NRXN3: variants seen among roughly 807,000 people sequenced by gnomAD.
The protein encoded by NRXN3 is neurexin 3, also known as neurexin III.
Under a neutral mutation model 137.6 loss-of-function variants are expected in NRXN3, and 32 were observed. The observed-to-expected ratio is 0.23, with a 90% CI of 0.18 to 0.31. The LOEUF (loss-of-function observed/expected upper bound fraction) is 0.31, where lower values mean the gene tolerates loss of function less well. Among genes scored for constraint, NRXN3 ranks in the 10% least tolerant of loss-of-function variants. The pLI, the probability that NRXN3 is intolerant of heterozygous loss-of-function variation, is 1.00. For synonymous variants in NRXN3, 798 were observed against 784.5 expected (o/e 1.02, Z -0.29); for missense variants, 1,574 against 2,062.5 (o/e 0.76, Z 4.59).
intron 4 of NRXN3, among the ~76,000 whole-genome samples, chr14:78,434,101 G>A (rs950362238): frequency 3.3e-5 from 5 of 152,170 alleles, no homozygotes; most frequent in African/African-American, 9.7e-5. Flanking sequence ...ACAGTAAAAT[G>A]TTGAATATCT....
chr14:79,533,609 C>G (rs1243345165), intron 16 of NRXN3, among the ~76,000 whole-genome samples: 1 of 152,048 alleles, frequency 6.6e-6, no homozygotes, highest in East Asian at 1.9e-4. Flanking sequence ...ATTTTGGTGT[C>G]TGAAAAACAA....
intron 15 of NRXN3, among the ~76,000 whole-genome samples, chr14:78,992,350 C>T (rs912892018): frequency 6.6e-6 from 1 of 152,130 alleles, no homozygotes; most frequent in Admixed American, 6.6e-5. Context: ...AGGGTGAGCA[C>T]CACCTGAAAA....
At chr14:78,532,577 C>A (rs750838545) in intron 4 of NRXN3, among the ~76,000 whole-genome samples, 3 of 151,968 alleles carry the variant, frequency 2.0e-5, no homozygotes, top group Non-Finnish European at 2.9e-5. Context: ...TCCACACTCA[C>A]CCCACCCCAC....
intron 16 of NRXN3, among the ~76,000 whole-genome samples, chr14:79,489,280 A>T (rs1427061224): frequency 6.6e-6 from 1 of 152,118 alleles, no homozygotes; most frequent in Non-Finnish European, 1.5e-5. Flanking sequence ...TTCATGGCTC[A>T]TATTTTCTCC....
At chr14:78,834,596 A>T (rs571107049) in intron 10 of NRXN3, among the ~76,000 whole-genome samples, 28 of 152,212 alleles carry the variant, frequency 1.8e-4, no homozygotes, top group South Asian at 4.2e-4. Context: ...AACTAAGGTA[A>T]CCAGGTGAGG....
intron 4 of NRXN3, among the ~76,000 whole-genome samples, chr14:78,642,064 C>CA (rs1237892344): frequency 6.6e-6 from 1 of 152,092 alleles, no homozygotes; most frequent in Non-Finnish European, 1.5e-5. Flanking sequence ...TCAATTTATT[C>CA]AAAGTTTGGG....
At chr14:78,925,342 T>C (rs1446721010) in intron 10 of NRXN3, among the ~76,000 whole-genome samples, 1 of 152,204 alleles carries the variant, frequency 6.6e-6, no homozygotes, top group Non-Finnish European at 1.5e-5. Flanking sequence ...TATTACATTC[T>C]TCTTGTATGA....
intron 15 of NRXN3, among the ~76,000 whole-genome samples, chr14:79,115,972 C>T (rs1353024473): frequency 1.3e-5 from 2 of 152,086 alleles, no homozygotes; most frequent in Non-Finnish European, 2.9e-5. Flanking sequence ...ATTATGCACC[C>T]ATGGAAGCTA....
intron 15 of NRXN3, among the ~76,000 whole-genome samples, chr14:79,258,815 T>C (rs76749540): frequency 0.037 from 5,574 of 152,286 alleles, 260 homozygotes; most frequent in African/African-American, 0.1. Flanking sequence ...AAAACACTTA[T>C]CTCTGGGAGA....
At chr14:79,005,187 T>A (rs1000945352) in intron 15 of NRXN3, among the ~76,000 whole-genome samples, 1 of 152,194 alleles carries the variant, frequency 6.6e-6, no homozygotes, top group African/African-American at 2.4e-5. Context: ...AGAATACAAA[T>A]GGTATTCCCA....
intron 10 of NRXN3, among the ~76,000 whole-genome samples, chr14:78,882,410 C>G (rs154320): frequency 0.21 from 32,176 of 151,566 alleles, 5,851 homozygotes; most frequent in African/African-American, 0.47. Flanking sequence ...CCAGGAGGGG[C>G]ACTGTACCCT....
chr14:78,732,506 C>G (rs1176629431), intron 8 of NRXN3, among the ~76,000 whole-genome samples: 24 of 152,140 alleles, frequency 1.6e-4, no homozygotes, highest in Admixed American at 1.6e-3. Context: ...AGACCTTTTT[C>G]CAAACACATA....
chr14:78,528,644 G>A (rs2096415068), intron 4 of NRXN3, among the ~76,000 whole-genome samples: 1 of 152,104 alleles, frequency 6.6e-6, no homozygotes, highest in African/African-American at 2.4e-5. Flanking sequence ...AATTGCCCAT[G>A]GAATTGGTTT....
chr14:79,082,578 G>T (rs1398459399), intron 15 of NRXN3, among the ~76,000 whole-genome samples: 1 of 152,120 alleles, frequency 6.6e-6, no homozygotes, highest in Non-Finnish European at 1.5e-5. Context: ...ATTATCTCCA[G>T]TCTGAGTCCC....
chr14:78,433,595 G>A (rs1053268910), intron 4 of NRXN3, among the ~76,000 whole-genome samples: 2 of 152,150 alleles, frequency 1.3e-5, no homozygotes, highest in Non-Finnish European at 2.9e-5. Flanking sequence ...GAGAACATTA[G>A]TTATCATTGA....
At chr14:79,822,141 G>A (rs2242645) in intron 20 of NRXN3, among the ~76,000 whole-genome samples, 85,867 of 151,938 alleles carry the variant, frequency 0.57, 24,280 homozygotes, top group South Asian at 0.64. Flanking sequence ...AGTGGGGACT[G>A]GAAGTCTCCT....
chr14:78,826,595 A>G (rs1405871291), intron 10 of NRXN3, among the ~76,000 whole-genome samples: 1 of 152,250 alleles, frequency 6.6e-6, no homozygotes, highest in Non-Finnish European at 1.5e-5. Flanking sequence ...TGGTTCTAAA[A>G]GTAGGTAATA....
At chr14:79,605,139 A>G (rs1426072359) in intron 16 of NRXN3, among the ~76,000 whole-genome samples, 1 of 152,148 alleles carries the variant, frequency 6.6e-6, no homozygotes, top group African/African-American at 2.4e-5. Context: ...ATGGCTCAGC[A>G]TTTTTCTGAA....
At position 79,211,596 on chromosome 14, in the gene NRXN3, GGATGGAGTTCA is replaced by G. The variant is rs1304142349; in HGVS notation, c.3262+223460_3262+223470del. Among the ~76,000 whole-genome samples, 5 of 152,214 alleles carry G rather than the reference GGATGGAGTTCA, an allele frequency of 3.3e-5. No individual in the cohort carries two copies. In the East Asian group the frequency reaches 9.7e-4, roughly 29 times the overall value. On this transcript the variant is annotated intron_variant, in intron 15 of 20. Coordinates refer to ENST00000335750, the MANE Select transcript of NRXN3 (RefSeq NM_001330195.2). ...TCTCTAAGGTTAAACAGCTCATAAG[GGATGGAGTTCA>G]GATGTGAATCCAGTTCTATCTGATT...
Sources: allele counts gnomAD v4.1 joint callset (sites outside exome capture counted in the v4.1 genomes callset), GRCh38; gene constraint gnomAD v4.1.1; transcripts MANE v1.5; gene names NCBI Gene and HGNC (gene_info 2026-07-23, HGNC 2026-07-21).